Variants in TXLNG observed in about 807,000 individuals in gnomAD.
TXLNG encodes the protein gamma-taxilin.
In TXLNG, 5 loss-of-function variants were observed where a neutral mutation model predicts 38.8. The observed-to-expected ratio is 0.13, with a 90% CI of 0.07 to 0.27. The LOEUF is 0.27. Ranked by LOEUF, TXLNG falls within the 10% of genes least tolerant of loss-of-function variation. The pLI, the probability that TXLNG is intolerant of heterozygous loss-of-function variation, is 1.00. For synonymous variants in TXLNG, 182 were observed against 158.2 expected, an observed-to-expected ratio of 1.15 and a Z score of -1.13; for missense variants, 393 against 398.2, an observed-to-expected ratio of 0.99 and a Z score of 0.11.
At chrX:16,813,414 A>G (rs4828556) in intron 1 of TXLNG, among the ~76,000 whole-genome samples, 50,687 of 107,430 alleles carry the variant, frequency 0.47, 9,198 homozygotes, top group East Asian at 0.85. Context: ...GACTGAAGCA[A>G]GAGGATTGCT....
intron 1 of TXLNG, among the ~76,000 whole-genome samples, chrX:16,806,288 C>T (rs1206132172): frequency 1.8e-5 from 2 of 112,169 alleles, no homozygotes; most frequent in African/African-American, 3.2e-5. Flanking sequence ...GCTGATGCCC[C>T]GAGAGTATGG....
chrX:16,797,043 G>A (rs746300847), intron 1 of TXLNG, among the ~76,000 whole-genome samples: 1 of 111,302 alleles, frequency 9.0e-6, no homozygotes, highest in Non-Finnish European at 1.9e-5. Context: ...CAGCACTTTG[G>A]GAGACCGAGG....
At chrX:16,805,022 G>A (rs1393633554) in intron 1 of TXLNG, among the ~76,000 whole-genome samples, 7 of 69,799 alleles carry the variant, frequency 1.0e-4, no homozygotes, top group Non-Finnish European at 1.6e-4. Context: ...GACAGAGCCT[G>A]GCTGTGTTGC....
At chrX:16,823,067 G>T (rs1000951964) in intron 3 of TXLNG, among the ~76,000 whole-genome samples, 1 of 111,871 alleles carries the variant, frequency 8.9e-6, no homozygotes, top group Non-Finnish European at 1.9e-5. Context: ...TGCCTAGTGA[G>T]TAATCTCTCT....
At chrX:16,805,140 C>G (rs1481525131) in intron 1 of TXLNG, among the ~76,000 whole-genome samples, 1 of 107,949 alleles carries the variant, frequency 9.3e-6, no homozygotes, top group Non-Finnish European at 1.9e-5. Context: ...TGTGCCGTCA[C>G]ACACGGCTAA....
intron 1 of TXLNG, among the ~76,000 whole-genome samples, chrX:16,796,687 C>T (rs140601129): frequency 9.0e-6 from 1 of 111,089 alleles, no homozygotes; most frequent in African/African-American, 3.3e-5. Flanking sequence ...AAGGAAGTGG[C>T]ACTCTTCTCC....
chrX:16,810,769 A>G (rs1232044678), intron 1 of TXLNG, among the ~76,000 whole-genome samples: 5 of 111,205 alleles, frequency 4.5e-5, no homozygotes, highest in Non-Finnish European at 7.6e-5. Context: ...GCTCACTGCA[A>G]CCTCCACCTC....
At chrX:16,804,706 C>A (rs1250083639) in intron 1 of TXLNG, among the ~76,000 whole-genome samples, 2 of 110,369 alleles carry the variant, frequency 1.8e-5, no homozygotes, top group South Asian at 3.8e-4. Context: ...GTAAGGGCTT[C>A]CTGCAGTCTT....
intron 4 of TXLNG, 142 bp from the exon 5 acceptor site, chrX:16,829,434 G>C (rs747886926): frequency 1.8e-6 from 1 of 552,353 alleles, no homozygotes; most frequent in Middle Eastern, 5.7e-4. Context: ...ATAGCCTTCT[G>C]GTCATAAATA....
intron 1 of TXLNG, among the ~76,000 whole-genome samples, chrX:16,809,350 T>TTG (rs1199863326): frequency 9.8e-6 from 1 of 102,074 alleles, no homozygotes; most frequent in Non-Finnish European, 2.0e-5. Context: ...TAGTTGTTTT[T>TTG]TTTTTTTTTT....
intron 3 of TXLNG, among the ~76,000 whole-genome samples, chrX:16,826,045 G>T (rs1929152561): frequency 1.8e-5 from 2 of 111,364 alleles, no homozygotes; most frequent in South Asian, 7.4e-4. Flanking sequence ...AAAACCAAAA[G>T]GATTTTTTTT....
intron 1 of TXLNG, among the ~76,000 whole-genome samples, chrX:16,802,339 C>T (rs375947251): frequency 3.8e-5 from 4 of 105,716 alleles, no homozygotes; most frequent in East Asian, 3.0e-4. Context: ...CAGCCTCTGC[C>T]GCCCAGGTTC....
rs1366464563 is a variant in TXLNG at position 16,843,812 on chromosome X, T to TA, written c.*2047dup. 1.8e-5 allele frequency: 2 copies of TA among 111,852 alleles called. No individual in the cohort carries two copies. Among genetic ancestry groups the TA allele is most frequent in the Non-Finnish European group, 3.8e-5 (2 of 53,227 alleles). The allele number at this position is 111,852 out of a possible 1,213,427, so 9.2% of individuals were successfully genotyped here. ...CTTTGTATTTTTAGCTAGATGCTATTATAGTGTTGAAAGGATATGGATTCT... is the reference window on the plus strand; with the variant it reads ...CTTTGTATTTTTAGCTAGATGCTATTAATAGTGTTGAAAGGATATGGATTCT... On this transcript the variant is annotated 3_prime_UTR_variant, in exon 10 of 10. Transcript: ENST00000380122.
chrX:16,799,017 T>C (rs1927984975), intron 1 of TXLNG, among the ~76,000 whole-genome samples: 1 of 110,326 alleles, frequency 9.1e-6, no homozygotes, highest in Admixed American at 9.7e-5. Context: ...GTAGCTGGGA[T>C]TACAGGCATG....
At chrX:16,786,900 T>A (rs888124038) in intron 1 of TXLNG, among the ~76,000 whole-genome samples, 2 of 110,971 alleles carry the variant, frequency 1.8e-5, no homozygotes, top group Non-Finnish European at 3.8e-5. Flanking sequence ...GACAGCCACG[T>A]GCGGCCAGCA....
At position 16,842,133 on chromosome X, in the gene TXLNG, T is replaced by C. The variant is rs1255867961; in HGVS notation, c.*367T>C. On this transcript the variant is annotated 3_prime_UTR_variant, in exon 10 of 10. Coordinates refer to ENST00000380122, the MANE Select transcript of TXLNG (RefSeq NM_018360.3). ...ATGGTTCCTTGATGTGAAAACAATATTAATTTAAACGTCTTAGCCCCCCCC... is the reference window on the plus strand; with the variant it reads ...ATGGTTCCTTGATGTGAAAACAATACTAATTTAAACGTCTTAGCCCCCCCC... 5.7e-5 allele frequency: 7 copies of C among 123,843 alleles called. No homozygotes were observed. Among genetic ancestry groups the C allele is most frequent in the African/African-American group, 2.2e-4 (6 of 26,731 alleles). 10.2% of individuals were successfully genotyped at this position (123,843 alleles called of 1,213,427 possible). A position where few individuals can be genotyped will look rare whatever the true frequency, so the allele number is the denominator to read the frequency against.
chrX:16,834,692 G>A (rs915659937), intron 7 of TXLNG, among the ~76,000 whole-genome samples: 2 of 111,034 alleles, frequency 1.8e-5, no homozygotes, highest in African/African-American at 3.3e-5. Flanking sequence ...TTTTTCAGTC[G>A]GTTACACTAA....
rs1929045741 is a variant in TXLNG, at chrX:16,823,363, C to G, written c.498+3108C>G. ...ATCCCAGCTACTCAGGAGGCTGAGG[C>G]AGGAGAATCACTTGAACCTGGGAAG... On this transcript the variant is annotated intron_variant, in intron 3 of 9. Transcript: ENST00000380122. Among the ~76,000 whole-genome samples the G allele has an allele frequency of 6.0e-5, 6 of 99,801 alleles. No individual in the cohort carries two copies. In the South Asian group the frequency reaches 2.9e-3, roughly 49 times the overall value. 86.7% of individuals were successfully genotyped at this position (99,801 alleles called of 115,157 possible).
rs1003825135 is a variant in TXLNG, at chrX:16,826,276, GA to G, written c.499-1817del. 5.4e-5 allele frequency among the ~76,000 whole-genome samples: 6 copies of G among 111,634 alleles called. No homozygotes were observed. In the Admixed American group the frequency reaches 5.7e-4, roughly 11 times the overall value. ...CTTTACAAAATTATGCAAAAACAAT[GA>G]TTTTTTTTCCTGCAAGAATTTCAGT... On this transcript the variant is annotated intron_variant, in intron 3 of 9. Transcript: ENST00000380122.
Sources: allele counts gnomAD v4.1 joint callset (sites outside exome capture counted in the v4.1 genomes callset), GRCh38; gene constraint gnomAD v4.1.1; transcripts MANE v1.5; gene names NCBI Gene and HGNC (gene_info 2026-07-23, HGNC 2026-07-21).